OAF: variants seen among roughly 807,000 people sequenced by gnomAD.
OAF encodes the protein out at first protein homolog.
A neutral mutation model predicts 22.5 loss-of-function variants in OAF; 13 were observed. The ratio of observed to expected loss-of-function variants is 0.58; its 90% CI spans 0.38 to 0.92. The LOEUF is 0.92. Among genes scored for constraint, OAF ranks in the 40% least tolerant of loss-of-function variants. The pLI, the probability that OAF is intolerant of heterozygous loss-of-function variation, is 0.00. For synonymous variants in OAF, 175 were observed against 170.5 expected (o/e 1.03, Z -0.21); for missense variants, 347 against 381.8 (o/e 0.91, Z 0.76).
rs1243578363 is a variant in OAF, at chr11:120,230,021, G to T, written c.*879G>T. 4 of 152,268 alleles carry T rather than the reference G, an allele frequency of 2.6e-5. No homozygotes were observed. Among genetic ancestry groups the T allele is most frequent in the African/African-American group, 9.7e-5 (4 of 41,450 alleles). 9.4% of individuals were successfully genotyped at this position (152,268 alleles called of 1,614,324 possible). On this transcript the variant is annotated 3_prime_UTR_variant, in exon 4 of 4. Transcript: ENST00000328965. ...CAGAAAGTGTCCCCACACCCTAGCAGTGGCCTATCTTGGAACAAGAACTTC... is the reference window on the plus strand; with the variant it reads ...CAGAAAGTGTCCCCACACCCTAGCATTGGCCTATCTTGGAACAAGAACTTC...
chr11:120,217,831 G>A (rs1249165412), intron 1 of OAF, among the ~76,000 whole-genome samples: 3 of 152,198 alleles, frequency 2.0e-5, no homozygotes, highest in African/African-American at 7.2e-5. Flanking sequence ...TTGGATGTCC[G>A]TCTACCCCAC....
Position 120,230,276 on chromosome 11 carries a change from A to G in OAF, c.*1134A>G, listed in dbSNP as rs529857318. 4 of 152,256 alleles carry G rather than the reference A, an allele frequency of 2.6e-5. No homozygotes were observed. The highest frequency in any genetic ancestry group is 5.9e-5 in the Non-Finnish European group (4 of 68,052). 9.4% of individuals were successfully genotyped at this position (152,256 alleles called of 1,614,324 possible). ...CTTACCTGCTGTGCAGCCATGGGTC[A>G]AGTTGCTTGACCTCTCTGTGCCTCC... On this transcript the variant is annotated 3_prime_UTR_variant, in exon 4 of 4. Coordinates refer to ENST00000328965, the MANE Select transcript of OAF (RefSeq NM_178507.4).
At chr11:120,216,062 G>A (rs1295016559) in intron 1 of OAF, among the ~76,000 whole-genome samples, 7 of 152,142 alleles carry the variant, frequency 4.6e-5, no homozygotes, top group African/African-American at 1.4e-4. Flanking sequence ...GCTCAGGGCC[G>A]CTTCGAAGGG....
intron 2 of OAF, 26 bp downstream of exon 2, chr11:120,225,821 G>GC: frequency 6.3e-7 from 1 of 1,584,156 alleles, no homozygotes; most frequent in South Asian, 1.1e-5. Context: ...GGCCTGCCTG[G>GC]CCCAGGTCCT....
chr11:120,215,775 TC>T (rs1938204125), intron 1 of OAF, among the ~76,000 whole-genome samples: 1 of 152,194 alleles, frequency 6.6e-6, no homozygotes, highest in Non-Finnish European at 1.5e-5. Flanking sequence ...TGTCCCCTAG[TC>T]CGAGTGGCCA....
chr11:120,225,539 G>T, intron 1 of OAF, 122 bp from the exon 2 acceptor site: 1 of 746,838 alleles, frequency 1.3e-6, no homozygotes, highest in Non-Finnish European at 2.1e-6. Flanking sequence ...ACCAGCAGGA[G>T]GGAGGTGTCT....
rs1214799400 is a variant in OAF, at chr11:120,222,749, T to C, written c.232-2912T>C. Among the ~76,000 whole-genome samples, 5 of 150,676 alleles carry C rather than the reference T, an allele frequency of 3.3e-5. No homozygotes were observed. In the East Asian group the frequency reaches 1.0e-3, roughly 30 times the overall value. On this transcript the variant is annotated intron_variant, in intron 1 of 3. Coordinates refer to ENST00000328965, the MANE Select transcript of OAF (RefSeq NM_178507.4). ...CAACATGGAGAAACCCTGTCTCTAC[T>C]AAAAATACAAAAATTAGCTGGGTGT...
intron 1 of OAF, among the ~76,000 whole-genome samples, chr11:120,216,701 G>A (rs1938216813): frequency 6.6e-6 from 1 of 152,188 alleles, no homozygotes; most frequent in African/African-American, 2.4e-5. Context: ...ATCCCGGTAG[G>A]CCATGAAGAC....
Position 120,229,339 on chromosome 11 carries a change from C to T in OAF, c.*197C>T. 1.7e-6 allele frequency: 1 copy of T among 594,696 alleles called. No homozygotes were observed. Among genetic ancestry groups the T allele is most frequent in the Non-Finnish European group, 3.0e-6 (1 of 334,892 alleles). The allele number at this position is 594,696 out of a possible 1,614,324, so 36.8% of individuals were successfully genotyped here. On this transcript the variant is annotated 3_prime_UTR_variant, in exon 4 of 4. Coordinates refer to ENST00000328965, the MANE Select transcript of OAF (RefSeq NM_178507.4). ...GGCAGGGGGTCTCATGAAGGCACCC[C>T]CATTCCCACCCTGTGCCTTCCTTGC...
chr11:120,229,305 G>T lies in OAF; in HGVS notation c.*163G>T, dbSNP rs1315234709. The T allele has an allele frequency of 1.2e-5, 8 of 664,708 alleles. No individual in the cohort carries two copies. Among genetic ancestry groups the T allele is most frequent in the African/African-American group, 3.6e-5 (2 of 55,002 alleles). The allele number at this position is 664,708 out of a possible 1,614,324, so 41.2% of individuals were successfully genotyped here. On this transcript the variant is annotated 3_prime_UTR_variant, in exon 4 of 4. Coordinates refer to ENST00000328965, the MANE Select transcript of OAF (RefSeq NM_178507.4). ...CCCATCTCACATGACTGTGAAGGGG[G>T]TGTGGCATGGCAGGGGGTCTCATGA...
chr11:120,225,775 G>A lies in OAF; in HGVS notation c.346G>A (p.Ala116Thr), dbSNP rs1003874844. 6.2e-7 allele frequency: 1 copy of A among 1,602,424 alleles called. No individual in the cohort carries two copies. Among genetic ancestry groups the A allele is most frequent in the Non-Finnish European group, 8.5e-7 (1 of 1,174,894 alleles). Residue 116 changes from alanine to threonine, a missense_variant, in exon 2 of 4, where the codon GCC becomes ACC. Transcript: ENST00000328965. ...LQHNEIIPSE[A>T]MAKLRQKNPR... ...GCACAATGAGATCATCCCCAGTGAGGCCATGGCCAAGCTCCGGCAGGTAAG... is the reference window on the plus strand; with the variant it reads ...GCACAATGAGATCATCCCCAGTGAGACCATGGCCAAGCTCCGGCAGGTAAG...
intron 1 of OAF, among the ~76,000 whole-genome samples, chr11:120,221,535 A>G (rs953395149): frequency 6.6e-6 from 1 of 152,212 alleles, no homozygotes. Context: ...CCCTTGAGGT[A>G]GATACTATCA....
chr11:120,217,679 A>G (rs1332550619), intron 1 of OAF, among the ~76,000 whole-genome samples: 1 of 152,170 alleles, frequency 6.6e-6, no homozygotes, highest in Non-Finnish European at 1.5e-5. Context: ...AAGTCACTTA[A>G]CCTCTCTGAG....
chr11:120,222,103 A>G (rs1267353869), intron 1 of OAF, among the ~76,000 whole-genome samples: 1 of 152,132 alleles, frequency 6.6e-6, no homozygotes, highest in Non-Finnish European at 1.5e-5. Flanking sequence ...TTGGAAGAAG[A>G]GGGGGCCCCA....
chr11:120,224,531 G>A (rs577810815), intron 1 of OAF, among the ~76,000 whole-genome samples: 156 of 152,280 alleles, frequency 1.0e-3, no homozygotes, highest in Non-Finnish European at 1.8e-3. Flanking sequence ...CGCATGTATT[G>A]GACTCCAAGG....
chr11:120,212,210 G>T (rs1353827605), intron 1 of OAF, among the ~76,000 whole-genome samples: 1 of 103,182 alleles, frequency 9.7e-6, no homozygotes, highest in African/African-American at 3.8e-5. Flanking sequence ...CCCTATTTTG[G>T]CCCAGATTAG....
chr11:120,229,670 A>G lies in OAF; in HGVS notation c.*528A>G, dbSNP rs1354931406. 6.4e-6 allele frequency: 1 copy of G among 156,238 alleles called. No individual in the cohort carries two copies. Among genetic ancestry groups the G allele is most frequent in the East Asian group, 1.8e-4 (1 of 5,430 alleles). The allele number at this position is 156,238 out of a possible 1,614,324, so 9.7% of individuals were successfully genotyped here. A position where few individuals can be genotyped will look rare whatever the true frequency, so the allele number is the denominator to read the frequency against. On this transcript the variant is annotated 3_prime_UTR_variant, in exon 4 of 4. Coordinates refer to ENST00000328965, the MANE Select transcript of OAF (RefSeq NM_178507.4). ...CGACGCAGCCCCTGTACTGGATTAC[A>G]GCATATTCTCATCTCTGGCCCCGAG...
Position 120,229,212 on chromosome 11 carries a change from A to G in OAF, c.*70A>G. ...TCACCAGCCACTAGAGGGGGTGGCAACCCCCACCTGAGGCCTTATTTCCCT... is the reference window on the plus strand; with the variant it reads ...TCACCAGCCACTAGAGGGGGTGGCAGCCCCCACCTGAGGCCTTATTTCCCT... On this transcript the variant is annotated 3_prime_UTR_variant, in exon 4 of 4. Transcript: ENST00000328965. The G allele has an allele frequency of 7.0e-7, 1 of 1,433,360 alleles. No individual in the cohort carries two copies. Among genetic ancestry groups the G allele is most frequent in the East Asian group, 2.3e-5 (1 of 43,242 alleles). The allele number at this position is 1,433,360 out of a possible 1,614,324, so 88.8% of individuals were successfully genotyped here. A position where few individuals can be genotyped will look rare whatever the true frequency, so the allele number is the denominator to read the frequency against.
At chr11:120,218,986 CGTGT>C (rs36066701) in intron 1 of OAF, among the ~76,000 whole-genome samples, 2 of 151,250 alleles carry the variant, frequency 1.3e-5, no homozygotes, top group Admixed American at 6.6e-5. Flanking sequence ...CGCATGTACA[CGTGT>C]GTGTGTGTGT....
Sources: allele counts gnomAD v4.1 joint callset (sites outside exome capture counted in the v4.1 genomes callset), GRCh38; gene constraint gnomAD v4.1.1; transcripts MANE v1.5; gene names NCBI Gene and HGNC (gene_info 2026-07-23, HGNC 2026-07-21).